Variants in KLHL29 observed in about 807,000 individuals in gnomAD.
KLHL29 encodes kelch like family member 29, also known as kelch-like protein 29.
In KLHL29, 21 loss-of-function variants were observed where a neutral mutation model predicts 80.4. That is an observed-to-expected ratio of 0.26 (90% CI 0.19 to 0.38). The LOEUF (loss-of-function observed/expected upper bound fraction) is 0.38. Among genes scored for constraint, KLHL29 ranks in the 10% least tolerant of loss-of-function variants. The probability of loss-of-function intolerance (pLI) is 1.00; values close to 1 mark genes in which losing one functional copy is unlikely to be tolerated. For missense variants in KLHL29, 867 were observed against 1,223.9 expected (o/e 0.71, Z 4.35); for synonymous variants, 511 against 526.8 (o/e 0.97, Z 0.41).
intron 3 of KLHL29, among the ~76,000 whole-genome samples, chr2:23,635,853 C>A (rs1408744751): frequency 6.6e-6 from 1 of 152,202 alleles, no homozygotes; most frequent in Non-Finnish European, 1.5e-5. Context: ...CACTGGTGTC[C>A]CAGATGATGG....
At chr2:23,576,937 A>T (rs1375243375) in intron 3 of KLHL29, among the ~76,000 whole-genome samples, 2 of 152,196 alleles carry the variant, frequency 1.3e-5, no homozygotes, top group Non-Finnish European at 2.9e-5. Flanking sequence ...AGGCACCAGC[A>T]GCTTTGTCCC....
intron 5 of KLHL29, among the ~76,000 whole-genome samples, chr2:23,654,024 G>A (rs936014622): frequency 2.2e-4 from 34 of 152,110 alleles, no homozygotes; most frequent in Middle Eastern, 6.8e-3. Context: ...AAAATTAGCC[G>A]GGTGTGGTGA....
intron 2 of KLHL29, among the ~76,000 whole-genome samples, chr2:23,558,695 C>T (rs112493644): frequency 1.9e-4 from 29 of 152,348 alleles, no homozygotes; most frequent in East Asian, 9.7e-4. Context: ...TGAGCCCCCA[C>T]GCCCAGGCTA....
At chr2:23,496,492 C>T (rs60195199) in intron 2 of KLHL29, among the ~76,000 whole-genome samples, 5,372 of 152,022 alleles carry the variant, frequency 0.035, 289 homozygotes, top group African/African-American at 0.12. Context: ...CCCTCTCCCC[C>T]ATCCTGCTCC....
At chr2:23,441,677 AC>A (rs1663528583) in intron 1 of KLHL29, among the ~76,000 whole-genome samples, 1 of 152,190 alleles carries the variant, frequency 6.6e-6, no homozygotes, top group African/African-American at 2.4e-5. Context: ...TGGCTCACTC[AC>A]ATGACTAGAA....
chr2:23,447,268 C>T (rs568383863), intron 1 of KLHL29, among the ~76,000 whole-genome samples: 9 of 152,274 alleles, frequency 5.9e-5, no homozygotes, highest in Admixed American at 2.0e-4. Context: ...TTGTACATGA[C>T]GTGTTATCTC....
intron 2 of KLHL29, among the ~76,000 whole-genome samples, chr2:23,545,913 T>C (rs1666967972): frequency 6.6e-6 from 1 of 152,354 alleles, no homozygotes; most frequent in Non-Finnish European, 1.5e-5. Context: ...GCCAGTCCTC[T>C]GCAGACCCCT....
chr2:23,428,727 C>G (rs1663075059), intron 1 of KLHL29, among the ~76,000 whole-genome samples: 1 of 152,150 alleles, frequency 6.6e-6, no homozygotes, highest in African/African-American at 2.4e-5. Flanking sequence ...GTGCCCAAAC[C>G]TGAGGGCTGA....
intron 2 of KLHL29, among the ~76,000 whole-genome samples, chr2:23,548,679 C>T (rs982992412): frequency 9.2e-5 from 14 of 152,202 alleles, no homozygotes; most frequent in African/African-American, 3.1e-4. Flanking sequence ...CAGCAGTGAG[C>T]GCGTGGCAAG....
intron 2 of KLHL29, among the ~76,000 whole-genome samples, chr2:23,532,096 G>A (rs1666506823): frequency 6.6e-6 from 1 of 152,018 alleles, no homozygotes; most frequent in East Asian, 1.9e-4. Flanking sequence ...ATTCCACAAC[G>A]ACCCCCCACA....
At position 23,703,301 on chromosome 2, in the gene KLHL29, G is replaced by A. The variant is rs1377681671; in HGVS notation, c.2221G>A (p.Ala741Thr). The change falls in exon 12 of 14, where the codon GCA (alanine) becomes ACA (threonine). Residue 741 changes from alanine to threonine, a missense_variant. Transcript: ENST00000486442. ...KIYVFGGVNE[A>T]GRAAGVLQSY... ...CTACGTGTTTGGTGGGGTGAACGAG[G>A]CAGGCCGAGCTGCCGGCGTCCTCCA... The A allele has an allele frequency of 1.9e-6, 3 of 1,548,572 alleles. No individual in the cohort carries two copies. The highest frequency in any genetic ancestry group is 2.0e-5 in the Admixed American group (1 of 50,660).
chr2:23,682,479 G>A lies in KLHL29; in HGVS notation c.941-1920G>A, dbSNP rs1378857263. 6.6e-6 allele frequency among the ~76,000 whole-genome samples: 1 copy of A among 152,178 alleles called. No individual in the cohort carries two copies. Among genetic ancestry groups the A allele is most frequent in the Non-Finnish European group, 1.5e-5 (1 of 68,032 alleles). On this transcript the variant is annotated intron_variant, in intron 5 of 13. Transcript: ENST00000486442. The surrounding 1 kb of genome is among the most constrained non-coding windows in gnomAD (Gnocchi z 4.1). ...AAGCCACTCCCCATCCTGCCTCTGT[G>A]TGGATTTGTCTGAAACCCAAGTCTA...
chr2:23,545,406 G>C (rs1348715707), intron 2 of KLHL29, among the ~76,000 whole-genome samples: 1 of 152,228 alleles, frequency 6.6e-6, no homozygotes, highest in African/African-American at 2.4e-5. Flanking sequence ...GTGACTTGCA[G>C]AGTAGCAGGC....
At chr2:23,627,059 C>T (rs1669332089) in intron 3 of KLHL29, among the ~76,000 whole-genome samples, 1 of 152,318 alleles carries the variant, frequency 6.6e-6, no homozygotes, top group South Asian at 2.1e-4. Context: ...CTCCCCAGCA[C>T]CGCTCCTGGG....
Position 23,684,585 on chromosome 2 carries a change from C to A in KLHL29, c.1079+48C>A. The A allele has an allele frequency of 6.8e-7, 1 of 1,477,884 alleles. No homozygotes were observed. The highest frequency in any genetic ancestry group is 9.0e-7 in the Non-Finnish European group (1 of 1,109,642). The allele number at this position is 1,477,884 out of a possible 1,614,324, so 91.5% of individuals were successfully genotyped here. A position where few individuals can be genotyped will look rare whatever the true frequency, so the allele number is the denominator to read the frequency against. ...GTCGGGTCTGTTCCTTTGTAGGACG[C>A]TTTTGTGTCGCTTTTCTCTTCCCCT... is the stretch of plus-strand genomic sequence containing the variant. On this transcript the variant is annotated intron_variant, in intron 6 of 13. Coordinates refer to ENST00000486442, the MANE Select transcript of KLHL29 (RefSeq NM_052920.2). The surrounding 1 kb of genome is among the most constrained non-coding windows in gnomAD (Gnocchi z 4.4).
intron 3 of KLHL29, among the ~76,000 whole-genome samples, chr2:23,622,078 C>T (rs955161602): frequency 1.3e-5 from 2 of 152,178 alleles, no homozygotes; most frequent in African/African-American, 4.8e-5. Context: ...CTTCCAGCAC[C>T]CTCTCATCAG....
intron 3 of KLHL29, among the ~76,000 whole-genome samples, chr2:23,632,889 A>G (rs1026535537): frequency 1.3e-5 from 2 of 152,200 alleles, no homozygotes; most frequent in African/African-American, 4.8e-5. Flanking sequence ...AGTCTCACCT[A>G]AGTGGGTTTG....
chr2:23,696,546 T>C lies in KLHL29; in HGVS notation c.2105+33T>C. ...GGCCACGGTCAGGACAGGGGCATGC[T>C]CTTTGCTCACCAAGAACTGAAATCA... On this transcript the variant is annotated intron_variant, in intron 11 of 13. Transcript: ENST00000486442. The surrounding 1 kb of genome is among the most constrained non-coding windows in gnomAD (Gnocchi z 5.5). The C allele has an allele frequency of 2.1e-6, 3 of 1,460,002 alleles. No homozygotes were observed. The highest frequency in any genetic ancestry group is 2.7e-6 in the Non-Finnish European group (3 of 1,097,736). 90.4% of individuals were successfully genotyped at this position (1,460,002 alleles called of 1,614,324 possible). A position where few individuals can be genotyped will look rare whatever the true frequency, so the allele number is the denominator to read the frequency against.
At chr2:23,484,616 C>T (rs1236595105) in intron 2 of KLHL29, among the ~76,000 whole-genome samples, 1 of 152,210 alleles carries the variant, frequency 6.6e-6, no homozygotes, top group Non-Finnish European at 1.5e-5. Context: ...GCCAGAGAGC[C>T]ACACCCCTGC....
Sources: allele counts gnomAD v4.1 joint callset (sites outside exome capture counted in the v4.1 genomes callset), GRCh38; gene constraint gnomAD v4.1.1; non-coding constraint Gnocchi (gnomAD v3.1); transcripts MANE v1.5; gene names NCBI Gene and HGNC (gene_info 2026-07-23, HGNC 2026-07-21).